Variants in DCTN6 observed in about 807,000 individuals in gnomAD.
DCTN6 encodes dynactin subunit 6.
DCTN6 carries 15 observed loss-of-function variants against 25.8 expected under a neutral mutation model. The ratio of observed to expected loss-of-function variants is 0.58; its 90% CI spans 0.39 to 0.89. The LOEUF (loss-of-function observed/expected upper bound fraction) is 0.89, where lower values mean the gene tolerates loss of function less well. Among genes scored for constraint, DCTN6 ranks in the 40% least tolerant of loss-of-function variants. The pLI is 0.00. For synonymous variants in DCTN6, 64 were observed against 78.3 expected, an observed-to-expected ratio of 0.82 and a Z score of 0.96; for missense variants, 198 against 237.6, an observed-to-expected ratio of 0.83 and a Z score of 1.09.
chr8:30,177,290 T>C (rs1168864565), intron 4 of DCTN6, 76 bp downstream of exon 4: 1 of 1,231,250 alleles, frequency 8.1e-7, no homozygotes, highest in East Asian at 2.4e-5. Flanking sequence ...GTAGAAATTG[T>C]AAATAATTCC....
intron 1 of DCTN6, among the ~76,000 whole-genome samples, chr8:30,156,696 C>A (rs1803530369): frequency 6.6e-6 from 1 of 151,744 alleles, no homozygotes; most frequent in Non-Finnish European, 1.5e-5. Flanking sequence ...GCGGGGGGGG[C>A]TGTGAGGGGA....
Position 30,176,130 on chromosome 8 carries a change from A to G in DCTN6, c.194+940A>G, listed in dbSNP as rs142341879. Among the ~76,000 whole-genome samples, 689 of 152,128 alleles carry G rather than the reference A, an allele frequency of 4.5e-3. 3 individuals carry two copies. Among genetic ancestry groups the G allele is most frequent in the Non-Finnish European group, 6.8e-3 (463 of 67,846 alleles). On this transcript the variant is annotated intron_variant, in intron 3 of 6. Transcript: ENST00000221114. ...AATCCCAAATGATTATTAAGGGTGG[A>G]AAATTTTCAAGTTAGGCATGATTTT...
At chr8:30,181,805 G>C (rs776326442) in intron 6 of DCTN6, among the ~76,000 whole-genome samples, 82 of 151,256 alleles carry the variant, frequency 5.4e-4, no homozygotes, top group Non-Finnish European at 9.3e-4. Context: ...TGGGAGGATC[G>C]CTTGAGCCCA....
In DCTN6 at chr8:30,175,187, A is replaced by G. The variant is rs1370703139; in HGVS notation, c.191A>G (p.Asn64Ser). Reference protein sequence around the residue: ...NLIEEQALIINAYPDNITPDT... With the variant: ...NLIEEQALIISAYPDNITPDT... ...ATAGAAGAACAGGCCCTTATCATAA[A>G]TGCGTAAGACTCTTATACATACTGT... Residue 64 changes from asparagine to serine, a missense_variant, in exon 3 of 7, where the codon AAT becomes AGT. Transcript: ENST00000221114. The G allele has an allele frequency of 8.7e-6, 14 of 1,613,334 alleles. No homozygotes were observed. Among genetic ancestry groups the G allele is most frequent in the Non-Finnish European group, 1.2e-5 (14 of 1,179,440 alleles).
intron 4 of DCTN6, 53 bp from the exon 5 acceptor site, chr8:30,179,355 G>C: frequency 4.1e-6 from 6 of 1,480,494 alleles, no homozygotes; most frequent in Non-Finnish European, 5.6e-6. Flanking sequence ...TACTGTGTTA[G>C]TGGGGACTAA....
intron 2 of DCTN6, 145 bp from the exon 3 acceptor site, chr8:30,174,940 G>C (rs1422504202): frequency 1.5e-6 from 1 of 676,872 alleles, no homozygotes; most frequent in East Asian, 2.8e-5. Flanking sequence ...CTGGGAGATA[G>C]TATCTGTGAA....
intron 1 of DCTN6, among the ~76,000 whole-genome samples, chr8:30,159,697 G>T (rs1356013146): frequency 6.6e-6 from 1 of 151,506 alleles, no homozygotes; most frequent in Non-Finnish European, 1.5e-5. Flanking sequence ...GGTGCCATTA[G>T]TTTTCCAGAT....
chr8:30,157,146 T>G (rs1803537360), intron 1 of DCTN6, among the ~76,000 whole-genome samples: 6 of 152,216 alleles, frequency 3.9e-5, no homozygotes, highest in Admixed American at 3.9e-4. Context: ...CTCTTTATGT[T>G]TATGTGTACT....
chr8:30,158,464 T>A (rs545199852), intron 1 of DCTN6, among the ~76,000 whole-genome samples: 2 of 152,252 alleles, frequency 1.3e-5, no homozygotes, highest in East Asian at 3.9e-4. Context: ...TGGAAAAACA[T>A]CTGGAGTGAC....
chr8:30,163,003 T>G (rs77644954), intron 1 of DCTN6, among the ~76,000 whole-genome samples: 1 of 144,018 alleles, frequency 6.9e-6, no homozygotes, highest in South Asian at 2.2e-4. Context: ...TTTTTTTTTT[T>G]AAGAGATGAG....
chr8:30,167,208 T>A (rs560408183), intron 2 of DCTN6, among the ~76,000 whole-genome samples: 1 of 152,158 alleles, frequency 6.6e-6, no homozygotes, highest in Admixed American at 6.5e-5. Context: ...GGCGCATGCC[T>A]GTAGTCCCAG....
intron 4 of DCTN6, among the ~76,000 whole-genome samples, chr8:30,177,763 T>G (rs1216038167): frequency 6.6e-6 from 1 of 152,194 alleles, no homozygotes; most frequent in Non-Finnish European, 1.5e-5. Context: ...CATCTAGCTC[T>G]TTGAACAGAC....
chr8:30,182,273 G>A (rs1006940558), intron 6 of DCTN6, among the ~76,000 whole-genome samples: 3 of 152,040 alleles, frequency 2.0e-5, no homozygotes, highest in Non-Finnish European at 2.9e-5. Flanking sequence ...CTAGGGCAGG[G>A]GCCTAAAAAT....
intron 2 of DCTN6, among the ~76,000 whole-genome samples, chr8:30,165,177 G>T (rs888377908): frequency 1.4e-4 from 21 of 152,180 alleles, no homozygotes; most frequent in African/African-American, 5.1e-4. Context: ...TGTTAACGCT[G>T]TCAGATCTTC....
intron 1 of DCTN6, among the ~76,000 whole-genome samples, chr8:30,157,950 A>T (rs1803548136): frequency 6.6e-6 from 1 of 152,146 alleles, no homozygotes; most frequent in African/African-American, 2.4e-5. Flanking sequence ...GCTTACAGTG[A>T]AGATTAAGGT....
At chr8:30,156,687 CG>C (rs11305860) in intron 1 of DCTN6, among the ~76,000 whole-genome samples, 12,159 of 151,106 alleles carry the variant, frequency 0.08, 766 homozygotes, top group African/African-American at 0.17. Context: ...GCCGGGAGGG[CG>C]GGGGGGGCTG....
chr8:30,168,143 A>G (rs1177672653), intron 2 of DCTN6, among the ~76,000 whole-genome samples: 1 of 152,244 alleles, frequency 6.6e-6, no homozygotes, highest in African/African-American at 2.4e-5. Context: ...CTCAATTTTA[A>G]AAGTTAAGGA....
In DCTN6 at chr8:30,156,411, G is replaced by T. The variant is rs1803525769; in HGVS notation, c.23+5G>T. On this transcript the variant is annotated splice_donor_5th_base_variant and intron_variant, in intron 1 of 6. Coordinates refer to ENST00000221114, the MANE Select transcript of DCTN6 (RefSeq NM_006571.4). ...GGCGGAGAAGACTCAAAAGAGGTGG[G>T]TTTGCTGCTTGAGAAAAGCCTTTTC... is the stretch of plus-strand genomic sequence containing the variant. 6.2e-7 allele frequency: 1 copy of T among 1,603,416 alleles called. No homozygotes were observed. The highest frequency in any genetic ancestry group is 1.3e-5 in the African/African-American group (1 of 74,762).
chr8:30,179,581 G>A (rs1301193774), intron 5 of DCTN6, 126 bp downstream of exon 5: 12 of 700,236 alleles, frequency 1.7e-5, no homozygotes, highest in Non-Finnish European at 2.5e-5. Flanking sequence ...AATAGCTGGC[G>A]AACTAATTGT....
Sources: allele counts gnomAD v4.1 joint callset (sites outside exome capture counted in the v4.1 genomes callset), GRCh38; gene constraint gnomAD v4.1.1; transcripts MANE v1.5; gene names NCBI Gene and HGNC (gene_info 2026-07-23, HGNC 2026-07-21).